RASGRF2: variants seen among roughly 807,000 people sequenced by gnomAD.
RASGRF2 encodes Ras protein specific guanine nucleotide releasing factor 2.
Under a neutral mutation model 151.0 loss-of-function variants are expected in RASGRF2, and 76 were observed. The ratio of observed to expected loss-of-function variants is 0.50; its 90% CI spans 0.42 to 0.61. RASGRF2 has a LOEUF of 0.61. Ranked by LOEUF, RASGRF2 falls within the 20% of genes least tolerant of loss-of-function variation. The pLI, the probability that RASGRF2 is intolerant of heterozygous loss-of-function variation, is 0.00. For synonymous variants in RASGRF2, 504 were observed against 566.5 expected (o/e 0.89, Z 1.57); for missense variants, 1,148 against 1,564.6 (o/e 0.73, Z 4.49).
intron 11 of RASGRF2, 63 bp downstream of exon 11, chr5:81,094,425 A>G (rs1580307117): frequency 6.9e-7 from 1 of 1,449,094 alleles, no homozygotes; most frequent in East Asian, 2.4e-5. Context: ...GAGGCTGAGG[A>G]TAAACTCCCT....
chr5:80,976,875 C>T (rs1246292074), intron 1 of RASGRF2, among the ~76,000 whole-genome samples: 1 of 152,166 alleles, frequency 6.6e-6, no homozygotes, highest in African/African-American at 2.4e-5. Flanking sequence ...GTTTCAATCT[C>T]CCCAGGCCCA....
chr5:81,008,378 T>A (rs1749346481), intron 1 of RASGRF2, among the ~76,000 whole-genome samples: 1 of 152,110 alleles, frequency 6.6e-6, no homozygotes, highest in Admixed American at 6.5e-5. Context: ...CTCAAACTCG[T>A]GACCTCCAGT....
chr5:81,214,301 T>C (rs986653733), intron 23 of RASGRF2, among the ~76,000 whole-genome samples: 2 of 152,214 alleles, frequency 1.3e-5, no homozygotes, highest in Admixed American at 1.3e-4. Context: ...ACAGTGGCCT[T>C]AGCATGGGCT....
At chr5:81,167,101 G>A (rs1463287101) in intron 17 of RASGRF2, among the ~76,000 whole-genome samples, 2 of 152,194 alleles carry the variant, frequency 1.3e-5, no homozygotes, top group Admixed American at 6.5e-5. Context: ...ACCACACTGA[G>A]CTGTTAGCAC....
At chr5:80,963,437 C>T (rs1277435421) in intron 1 of RASGRF2, among the ~76,000 whole-genome samples, 1 of 152,082 alleles carries the variant, frequency 6.6e-6, no homozygotes, top group East Asian at 1.9e-4. Context: ...ATCTCTTAAT[C>T]TTTTCTCTTT....
At chr5:81,051,293 G>GTT (rs1388871828) in intron 2 of RASGRF2, among the ~76,000 whole-genome samples, 1 of 152,104 alleles carries the variant, frequency 6.6e-6, no homozygotes, top group African/African-American at 2.4e-5. Flanking sequence ...TTGGGGGGAA[G>GTT]TTGTTCTATT....
At chr5:81,160,757 A>G (rs189934987) in intron 17 of RASGRF2, among the ~76,000 whole-genome samples, 10 of 151,068 alleles carry the variant, frequency 6.6e-5, no homozygotes, top group Non-Finnish European at 1.5e-4. Flanking sequence ...TGTAGTCCCA[A>G]CTACTTGGGA....
At chr5:81,150,103 C>T (rs1754100004) in intron 17 of RASGRF2, among the ~76,000 whole-genome samples, 1 of 152,054 alleles carries the variant, frequency 6.6e-6, no homozygotes, top group Non-Finnish European at 1.5e-5. Context: ...GGTGATTTGG[C>T]AGTGGGAAAA....
At chr5:80,988,924 G>A (rs1013047244) in intron 1 of RASGRF2, among the ~76,000 whole-genome samples, 2 of 151,078 alleles carry the variant, frequency 1.3e-5, no homozygotes, top group South Asian at 2.1e-4. Context: ...TTAAATTGCA[G>A]ACATTAAAAA....
At chr5:81,056,058 T>C (rs1751198203) in intron 2 of RASGRF2, among the ~76,000 whole-genome samples, 1 of 152,212 alleles carries the variant, frequency 6.6e-6, no homozygotes, top group Admixed American at 6.5e-5. Context: ...ATCAATTTTG[T>C]TGATCTTTTC....
chr5:81,125,700 T>G (rs1753432718), intron 16 of RASGRF2, among the ~76,000 whole-genome samples: 1 of 152,238 alleles, frequency 6.6e-6, no homozygotes, highest in African/African-American at 2.4e-5. Context: ...CTACTTTATA[T>G]TCTCTTTTCA....
At chr5:81,048,783 C>A (rs375487876) in intron 2 of RASGRF2, among the ~76,000 whole-genome samples, 11 of 152,316 alleles carry the variant, frequency 7.2e-5, no homozygotes, top group African/African-American at 2.6e-4. Flanking sequence ...TATTCCATTT[C>A]TCTCTTATAT....
chr5:81,199,362 A>G (rs545141714), intron 18 of RASGRF2, among the ~76,000 whole-genome samples: 3 of 152,358 alleles, frequency 2.0e-5, no homozygotes, highest in Admixed American at 2.0e-4. Flanking sequence ...GATGTATTAC[A>G]TTACAGAGCA....
Position 80,960,861 on chromosome 5 carries a change from G to A in RASGRF2, c.123G>A (p.Glu41=). 1 of 1,613,730 alleles carries A rather than the reference G, an allele frequency of 6.2e-7. No individual in the cohort carries two copies. Among genetic ancestry groups the A allele is most frequent in the Non-Finnish European group, 8.5e-7 (1 of 1,179,754 alleles). The stretch of plus-strand genomic sequence containing the variant: ...CGGCCGAGGCGAGCCGCTGGCACGA[G>A]AAGTGGTTCGCCCTCTACCAGAATG... ...KKTAEASRWH[E]KWFALYQNVL... is the part of the protein sequence containing the mutation. Residue 41 remains glutamate (E), a synonymous_variant, in exon 1 of 27, where the codon GAG becomes GAA. Coordinates refer to ENST00000265080, the MANE Select transcript of RASGRF2 (RefSeq NM_006909.3). This position sits in a 1 kb window ranked among gnomAD's most constrained non-coding sequence, Gnocchi z 5.5.
At chr5:81,184,435 G>A (rs146873731) in intron 18 of RASGRF2, among the ~76,000 whole-genome samples, 42 of 152,298 alleles carry the variant, frequency 2.8e-4, no homozygotes, top group Non-Finnish European at 5.0e-4. Flanking sequence ...GGCCTTTCAC[G>A]TATGATCTAT....
rs114388437 is a variant in RASGRF2 at position 81,111,969 on chromosome 5, G to A, written c.1839-641G>A. On this transcript the variant is annotated intron_variant, in intron 13 of 26. Coordinates refer to ENST00000265080, the MANE Select transcript of RASGRF2 (RefSeq NM_006909.3). Reference sequence around the variant, plus strand: ...ACACTTTTGATATTTTGCTTTAAGGGCATAAGCAATGCTTTCCCCCACTCC... The same window carrying A: ...ACACTTTTGATATTTTGCTTTAAGGACATAAGCAATGCTTTCCCCCACTCC... Among the ~76,000 whole-genome samples, 519 of 152,250 alleles carry A rather than the reference G, an allele frequency of 3.4e-3. 5 individuals are homozygous for A. Among genetic ancestry groups the A allele is most frequent in the African/African-American group, 0.012 (489 of 41,544 alleles).
At chr5:81,188,573 G>T (rs1378079984) in intron 18 of RASGRF2, among the ~76,000 whole-genome samples, 1 of 152,122 alleles carries the variant, frequency 6.6e-6, no homozygotes, top group Non-Finnish European at 1.5e-5. Context: ...AGCTTCCTCT[G>T]TGAAGATGGA....
In RASGRF2 at chr5:81,059,000, T is replaced by C. The variant is rs565526668; in HGVS notation, c.396-9032T>C. ...TGTAATCTTTTTGCCTGGATTATTA[T>C]TGTAATAGTTCCAACTCTTCCCCCT... On this transcript the variant is annotated intron_variant, in intron 2 of 26. Transcript: ENST00000265080. 3.0e-4 allele frequency among the ~76,000 whole-genome samples: 46 copies of C among 152,268 alleles called. 1 individual carries two copies. The highest frequency in any genetic ancestry group is 3.4e-3 in the Middle Eastern group (1 of 294).
intron 12 of RASGRF2, among the ~76,000 whole-genome samples, chr5:81,107,659 T>G (rs1464702557): frequency 6.6e-6 from 1 of 152,250 alleles, no homozygotes; most frequent in Non-Finnish European, 1.5e-5. Flanking sequence ...AAATCATCTC[T>G]GATTTTCTCA....
Sources: gnomAD v4.1 joint callset for allele counts (sites outside exome capture counted in the v4.1 genomes callset) on GRCh38, gnomAD v4.1.1 for gene constraint, Gnocchi (gnomAD v3.1) non-coding constraint, MANE v1.5 for transcripts, NCBI Gene and HGNC (gene_info 2026-07-23, HGNC 2026-07-21) for gene names.